The following PCDH11X variants were observed in gnomAD, a reference collection of about 807,000 sequenced individuals.
PCDH11X encodes the protein protocadherin-11 X-linked.
PCDH11X carries 18 observed loss-of-function variants against 53.3 expected under a neutral mutation model. The ratio of observed to expected loss-of-function variants is 0.34; its 90% CI spans 0.23 to 0.50. The LOEUF (loss-of-function observed/expected upper bound fraction) is 0.50, where lower values mean the gene tolerates loss of function less well. Ranked by LOEUF, PCDH11X falls within the 20% of genes least tolerant of loss-of-function variation. The pLI, the probability that PCDH11X is intolerant of heterozygous loss-of-function variation, is 0.98. For missense variants in PCDH11X, 570 were observed against 1,032.4 expected, an observed-to-expected ratio of 0.55 and a Z score of 6.14; for synonymous variants, 279 against 393.3, an observed-to-expected ratio of 0.71 and a Z score of 3.44.
chrX:91,997,671 T>C (rs899758866), intron 6 of PCDH11X, among the ~76,000 whole-genome samples: 1 of 111,720 alleles, frequency 9.0e-6, no homozygotes, highest in African/African-American at 3.3e-5. Context: ...ATATTGAATA[T>C]AATTTTTTTT....
chrX:92,275,573 G>A (rs2068067981), intron 8 of PCDH11X, among the ~76,000 whole-genome samples: 1 of 111,514 alleles, frequency 9.0e-6, no homozygotes, highest in South Asian at 3.8e-4. Context: ...AGAATAATGG[G>A]TAGTAGAGGG....
chrX:92,208,616 T>C (rs2066524265), intron 7 of PCDH11X, among the ~76,000 whole-genome samples: 1 of 98,900 alleles, frequency 1.0e-5, no homozygotes, highest in African/African-American at 3.7e-5. Context: ...CCTGCATATA[T>C]TTGCATATGA....
At chrX:91,846,435 G>T (rs1282843779) in intron 5 of PCDH11X, among the ~76,000 whole-genome samples, 1 of 109,865 alleles carries the variant, frequency 9.1e-6, no homozygotes, top group Non-Finnish European at 1.9e-5. Context: ...GGCTAACATG[G>T]TGAAACCAAG....
intron 6 of PCDH11X, among the ~76,000 whole-genome samples, chrX:91,927,888 A>T (rs1208882969): frequency 9.0e-6 from 1 of 111,198 alleles, no homozygotes; most frequent in African/African-American, 3.3e-5. Flanking sequence ...AAGCTTCATA[A>T]TTCACAAGGG....
chrX:91,932,026 A>C (rs767822217), intron 6 of PCDH11X, among the ~76,000 whole-genome samples: 1 of 110,759 alleles, frequency 9.0e-6, no homozygotes, highest in Admixed American at 9.6e-5. Context: ...TCCCCGCTCC[A>C]TGTATCCATG....
chrX:92,221,377 C>T (rs1201618729), intron 7 of PCDH11X, among the ~76,000 whole-genome samples: 1 of 105,490 alleles, frequency 9.5e-6, no homozygotes, highest in Non-Finnish European at 1.9e-5. Context: ...TGGTCCGAGG[C>T]AAAGTTGGCT....
intron 6 of PCDH11X, among the ~76,000 whole-genome samples, chrX:92,096,450 G>T (rs1017095321): frequency 1.8e-5 from 2 of 108,542 alleles, no homozygotes; most frequent in African/African-American, 6.7e-5. Context: ...GTGTGTGTGT[G>T]TGTGTGTGTG....
chrX:92,096,326 G>A (rs35865507), intron 6 of PCDH11X, among the ~76,000 whole-genome samples: 2,100 of 110,136 alleles, frequency 0.019, 54 homozygotes, highest in African/African-American at 0.066. Flanking sequence ...TACAAGGCAC[G>A]TTGAACACAT....
intron 9 of PCDH11X, among the ~76,000 whole-genome samples, chrX:92,457,430 C>G (rs1382269633): frequency 9.5e-6 from 1 of 105,514 alleles, no homozygotes. Context: ...AAAATGCCAG[C>G]ATGGTACTAC....
chrX:92,146,948 G>A (rs959757256), intron 6 of PCDH11X, among the ~76,000 whole-genome samples: 19 of 110,662 alleles, frequency 1.7e-4, no homozygotes, highest in East Asian at 1.7e-3. Context: ...GCAGTGAGCC[G>A]AGATCGCACC....
intron 8 of PCDH11X, among the ~76,000 whole-genome samples, chrX:92,277,688 T>A (rs1160275246): frequency 9.4e-6 from 1 of 106,259 alleles, no homozygotes; most frequent in East Asian, 3.0e-4. Context: ...AAATAAGGGG[T>A]CAGGGCACGG....
At chrX:92,503,208 C>T (rs1569496953) in intron 10 of PCDH11X, among the ~76,000 whole-genome samples, 1 of 103,583 alleles carries the variant, frequency 9.7e-6, no homozygotes, top group Non-Finnish European at 2.0e-5. Context: ...ATGGCTATTA[C>T]TAAAATGTCA....
chrX:92,098,207 T>G (rs1308139351), intron 6 of PCDH11X, among the ~76,000 whole-genome samples: 1 of 110,948 alleles, frequency 9.0e-6, no homozygotes, highest in Non-Finnish European at 1.9e-5. Flanking sequence ...TTTCCTGGCC[T>G]ACACTAATCT....
intron 10 of PCDH11X, among the ~76,000 whole-genome samples, chrX:92,503,013 A>G (rs2073986729): frequency 9.3e-6 from 1 of 107,564 alleles, no homozygotes; most frequent in African/African-American, 3.4e-5. Context: ...TCTACAAGGA[A>G]CTTAAATTTA....
intron 6 of PCDH11X, among the ~76,000 whole-genome samples, chrX:91,913,555 C>G (rs1313650346): frequency 9.0e-6 from 1 of 111,230 alleles, no homozygotes. Context: ...CATGGCAAGC[C>G]CTCCCCAAGG....
intron 5 of PCDH11X, among the ~76,000 whole-genome samples, chrX:91,845,709 T>G (rs1937622198): frequency 9.0e-6 from 1 of 111,498 alleles, no homozygotes; most frequent in African/African-American, 3.3e-5. Context: ...CTCTATAATC[T>G]ATTTTCCCTA....
At chrX:92,054,498 C>T (rs1317430260) in intron 6 of PCDH11X, among the ~76,000 whole-genome samples, 6 of 111,359 alleles carry the variant, frequency 5.4e-5, no homozygotes, top group Non-Finnish European at 1.1e-4. Flanking sequence ...ACCAGAAGTT[C>T]AAGGAAGAAC....
Position 92,042,085 on chromosome X carries a change from C to T in PCDH11X, c.3034-159290C>T, listed in dbSNP as rs35177496. On this transcript the variant is annotated intron_variant, in intron 6 of 10. Coordinates refer to ENST00000682573, the MANE Select transcript of PCDH11X (RefSeq NM_032968.5). Reference sequence around the variant, plus strand: ...TCCTAAAACAACTAAAGTATCTAAACGTAATTTAACTTTTAATTACAGTAT... The same window carrying T: ...TCCTAAAACAACTAAAGTATCTAAATGTAATTTAACTTTTAATTACAGTAT... Among the ~76,000 whole-genome samples, 17 of 111,518 alleles carry T rather than the reference C, an allele frequency of 1.5e-4. No individual in the cohort carries two copies. In the East Asian group the frequency reaches 2.5e-3, roughly 17 times the overall value.
chrX:91,802,863 G>A (rs777600492), intron 1 of PCDH11X, among the ~76,000 whole-genome samples: 3 of 110,947 alleles, frequency 2.7e-5, no homozygotes, highest in East Asian at 2.8e-4. Flanking sequence ...AGATTTGTCC[G>A]GACAATTACT....
Sources: allele counts gnomAD v4.1 joint callset (sites outside exome capture counted in the v4.1 genomes callset), GRCh38; gene constraint gnomAD v4.1.1; transcripts MANE v1.5; gene names NCBI Gene and HGNC (gene_info 2026-07-23, HGNC 2026-07-21).